DLG2: variants seen among roughly 807,000 people sequenced by gnomAD.
DLG2 encodes the protein disks large homolog 2.
Under a neutral mutation model 132.5 loss-of-function variants are expected in DLG2, and 45 were observed. The ratio of observed to expected loss-of-function variants is 0.34; its 90% CI spans 0.27 to 0.44. DLG2 has a LOEUF of 0.44. Among genes scored for constraint, DLG2 ranks in the 20% least tolerant of loss-of-function variants. The pLI, the probability that DLG2 is intolerant of heterozygous loss-of-function variation, is 1.00. For missense variants in DLG2, 1,045 were observed against 1,196.9 expected (o/e 0.87, Z 1.87); for synonymous variants, 424 against 419.6 (o/e 1.01, Z -0.13).
intron 3 of DLG2, among the ~76,000 whole-genome samples, chr11:85,341,746 T>G (rs1565349443): frequency 6.6e-6 from 1 of 152,200 alleles, no homozygotes; most frequent in Admixed American, 6.5e-5. Context: ...GGTGATTTCA[T>G]CATTCTATAA....
At chr11:84,151,446 C>T (rs1379907094) in intron 9 of DLG2, among the ~76,000 whole-genome samples, 7 of 151,970 alleles carry the variant, frequency 4.6e-5, no homozygotes, top group Non-Finnish European at 1.0e-4. Flanking sequence ...CTCTTTATTT[C>T]TCTTATTCTG....
intron 6 of DLG2, among the ~76,000 whole-genome samples, chr11:84,649,446 G>A (rs1940068): frequency 0.06 from 9,100 of 152,210 alleles, 301 homozygotes; most frequent in South Asian, 0.085. Context: ...AAGGAGAAAG[G>A]CTGTGTAATG....
intron 3 of DLG2, among the ~76,000 whole-genome samples, chr11:85,391,691 T>G (rs936911611): frequency 2.6e-5 from 4 of 152,080 alleles, no homozygotes; most frequent in Admixed American, 2.6e-4. Flanking sequence ...AAAAATCAGA[T>G]GATCATCTTA....
intron 3 of DLG2, among the ~76,000 whole-genome samples, chr11:85,461,485 G>C (rs1195450319): frequency 6.6e-6 from 1 of 152,236 alleles, no homozygotes; most frequent in African/African-American, 2.4e-5. Flanking sequence ...ATTTGAGTCT[G>C]ACTATGCTGC....
At chr11:84,472,691 G>A (rs2099111572) in intron 7 of DLG2, among the ~76,000 whole-genome samples, 1 of 151,746 alleles carries the variant, frequency 6.6e-6, no homozygotes. Flanking sequence ...TCTATTTATT[G>A]AGGGTCAAAA....
chr11:84,573,478 G>A (rs17735087), intron 6 of DLG2, among the ~76,000 whole-genome samples: 9,483 of 152,034 alleles, frequency 0.062, 357 homozygotes, highest in South Asian at 0.098. Context: ...GAAATAAATA[G>A]GATACCAAAA....
intron 12 of DLG2, among the ~76,000 whole-genome samples, chr11:83,975,493 T>C (rs374539459): frequency 2.6e-5 from 4 of 152,206 alleles, no homozygotes; most frequent in East Asian, 3.9e-4. Context: ...ATTATGGTCA[T>C]CTTATTTAAA....
intron 6 of DLG2, among the ~76,000 whole-genome samples, chr11:84,922,060 G>C (rs896639105): frequency 1.3e-5 from 2 of 151,850 alleles, no homozygotes; most frequent in African/African-American, 4.8e-5. Flanking sequence ...AAAAGAGTGA[G>C]CAGCAGGGAG....
At chr11:84,719,260 G>A (rs933523959) in intron 6 of DLG2, among the ~76,000 whole-genome samples, 1 of 152,128 alleles carries the variant, frequency 6.6e-6, no homozygotes, top group Non-Finnish European at 1.5e-5. Context: ...CCAATCTCTG[G>A]TGTTATCTTT....
chr11:85,307,068 G>C (rs17743269), intron 3 of DLG2, among the ~76,000 whole-genome samples: 5,321 of 152,256 alleles, frequency 0.035, 143 homozygotes, highest in Admixed American at 0.048. Context: ...CAATTGAACT[G>C]AATAAACTAT....
At chr11:83,773,919 AC>A (rs1457043667) in intron 18 of DLG2, among the ~76,000 whole-genome samples, 1 of 152,218 alleles carries the variant, frequency 6.6e-6, no homozygotes, top group Non-Finnish European at 1.5e-5. Flanking sequence ...GCACACAAAT[AC>A]CTTAATCTGA....
intron 19 of DLG2, among the ~76,000 whole-genome samples, chr11:83,564,213 G>A (rs1169680766): frequency 6.6e-6 from 1 of 151,686 alleles, no homozygotes; most frequent in Non-Finnish European, 1.5e-5. Context: ...TATTAGTTAG[G>A]GATTCTTTTT....
At chr11:83,544,734 A>G (rs921963823) in intron 19 of DLG2, among the ~76,000 whole-genome samples, 25 of 152,128 alleles carry the variant, frequency 1.6e-4, no homozygotes, top group African/African-American at 6.0e-4. Flanking sequence ...AAAAATTAGT[A>G]TCCCCACTTT....
intron 3 of DLG2, among the ~76,000 whole-genome samples, chr11:85,501,382 C>A (rs1348691955): frequency 6.6e-6 from 1 of 152,126 alleles, no homozygotes; most frequent in Non-Finnish European, 1.5e-5. Flanking sequence ...GTCTAAAACA[C>A]CAAAAGCAAT....
At chr11:84,089,244 T>G (rs1193369936) in intron 10 of DLG2, among the ~76,000 whole-genome samples, 1 of 152,174 alleles carries the variant, frequency 6.6e-6, no homozygotes, top group African/African-American at 2.4e-5. Flanking sequence ...TGGAAGTTAC[T>G]CCCTTTCCTC....
chr11:84,322,148 A>T (rs1398806601), intron 7 of DLG2, among the ~76,000 whole-genome samples: 1 of 152,244 alleles, frequency 6.6e-6, no homozygotes, highest in Non-Finnish European at 1.5e-5. Context: ...AGACAAAAGT[A>T]TCTTTCAATG....
At chr11:85,570,796 A>G (rs151259701) in intron 3 of DLG2, among the ~76,000 whole-genome samples, 1 of 151,734 alleles carries the variant, frequency 6.6e-6, no homozygotes, top group East Asian at 1.9e-4. Context: ...CACTTTTTTC[A>G]TTTGTTTCCT....
chr11:84,934,514 T>TTTGG (rs373127852), intron 6 of DLG2, among the ~76,000 whole-genome samples: 1 of 85,638 alleles, frequency 1.2e-5, no homozygotes, highest in African/African-American at 5.5e-5. Context: ...GTTTTTTTTT[T>TTTGG]GTTTTGTTTT....
intron 6 of DLG2, among the ~76,000 whole-genome samples, chr11:84,551,190 T>A (rs927082954): frequency 6.6e-6 from 1 of 152,200 alleles, no homozygotes; most frequent in African/African-American, 2.4e-5. Context: ...AATAAAAATA[T>A]TAATGTTTCC....
Sources: allele counts gnomAD v4.1 joint callset (sites outside exome capture counted in the v4.1 genomes callset), GRCh38; gene constraint gnomAD v4.1.1; transcripts MANE v1.5; gene names NCBI Gene and HGNC (gene_info 2026-07-23, HGNC 2026-07-21).